Variants in DNAH17 observed in about 807,000 individuals in gnomAD.
DNAH17 encodes axonemal beta dynein heavy chain 17.
A neutral mutation model predicts 485.6 loss-of-function variants in DNAH17; 376 were observed. That is an observed-to-expected ratio of 0.77 (90% CI 0.71 to 0.84). The LOEUF (loss-of-function observed/expected upper bound fraction) is 0.84. Ranked by LOEUF, DNAH17 falls within the 40% of genes least tolerant of loss-of-function variation. The probability of loss-of-function intolerance (pLI) is 0.00; values close to 1 mark genes in which losing one functional copy is unlikely to be tolerated. For synonymous variants in DNAH17, 3,031 were observed against 2,405.9 expected, an observed-to-expected ratio of 1.26 and a Z score of -7.60; for missense variants, 6,370 against 5,839.3, an observed-to-expected ratio of 1.09 and a Z score of -2.96.
chr17:78,531,773 C>T (rs2091246542), intron 20 of DNAH17, among the ~76,000 whole-genome samples: 5 of 152,230 alleles, frequency 3.3e-5, no homozygotes, highest in Admixed American at 2.0e-4. Flanking sequence ...TTCTAAGCAG[C>T]ATATATTGGG....
At chr17:78,503,925 C>T (rs1204325521) in intron 31 of DNAH17, among the ~76,000 whole-genome samples, 1 of 151,502 alleles carries the variant, frequency 6.6e-6, no homozygotes, top group Non-Finnish European at 1.5e-5. Context: ...AAGATCGTGC[C>T]ATTGCACTCC....
intron 56 of DNAH17, among the ~76,000 whole-genome samples, chr17:78,465,199 C>T (rs868006100): frequency 3.3e-5 from 5 of 152,310 alleles, no homozygotes; most frequent in East Asian, 1.9e-4. Flanking sequence ...CCCGAGGTGC[C>T]GGGATTGCAG....
intron 25 of DNAH17, 58 bp downstream of exon 25, chr17:78,524,951 C>CG: frequency 6.4e-7 from 1 of 1,552,670 alleles, no homozygotes; most frequent in African/African-American, 1.4e-5. Flanking sequence ...CTCTTGTTGC[C>CG]GGGGGCAGCT....
intron 51 of DNAH17, among the ~76,000 whole-genome samples, chr17:78,478,419 CCAT>C (rs1220383706): frequency 7.0e-5 from 10 of 142,532 alleles, no homozygotes; most frequent in Non-Finnish European, 8.9e-5. Flanking sequence ...ACCACTATCA[CCAT>C]CATCACCACC....
At chr17:78,529,368 C>G in intron 22 of DNAH17, 104 bp downstream of exon 22, 1 of 1,122,318 alleles carries the variant, frequency 8.9e-7, no homozygotes, top group Non-Finnish European at 1.3e-6. Flanking sequence ...GAGGATCTAG[C>G]CCACAGCATC....
chr17:78,445,036 G>A (rs1240693800), intron 70 of DNAH17, among the ~76,000 whole-genome samples: 1 of 152,176 alleles, frequency 6.6e-6, no homozygotes, highest in Non-Finnish European at 1.5e-5. Flanking sequence ...TGAGGCCTGG[G>A]ATGGGCTAGG....
chr17:78,521,962 G>A (rs2090945512), intron 25 of DNAH17, among the ~76,000 whole-genome samples: 1 of 152,108 alleles, frequency 6.6e-6, no homozygotes, highest in Non-Finnish European at 1.5e-5. Context: ...CTCCAGCCTG[G>A]GCGACAGAGT....
intron 14 of DNAH17, among the ~76,000 whole-genome samples, chr17:78,557,554 G>A (rs12450340): frequency 3.4e-5 from 5 of 145,818 alleles, no homozygotes; most frequent in Admixed American, 7.1e-5. Context: ...CAGGAGAATC[G>A]CTTGAACTTG....
chr17:78,480,132 T>C (rs1198545780), intron 49 of DNAH17, among the ~76,000 whole-genome samples: 1 of 147,292 alleles, frequency 6.8e-6, no homozygotes, highest in Non-Finnish European at 1.5e-5. Flanking sequence ...GCAGATCACT[T>C]GAGGTCAGAA....
At chr17:78,502,800 C>A in intron 32 of DNAH17, 86 bp downstream of exon 32, 1 of 1,588,136 alleles carries the variant, frequency 6.3e-7, no homozygotes, top group Non-Finnish European at 8.6e-7. Context: ...CAGGGGACCA[C>A]AGTTAACAGC....
At chr17:78,470,905 G>C (rs765316150) in intron 54 of DNAH17, among the ~76,000 whole-genome samples, 80 of 152,278 alleles carry the variant, frequency 5.3e-4, no homozygotes, top group Non-Finnish European at 1.1e-3. Context: ...GGTTTCATAG[G>C]AATTTTGCAA....
At chr17:78,477,930 T>G (rs112167360) in intron 51 of DNAH17, among the ~76,000 whole-genome samples, 1 of 145,554 alleles carries the variant, frequency 6.9e-6, no homozygotes, top group Non-Finnish European at 1.5e-5. Flanking sequence ...ATCACCACCA[T>G]CATCACCACC....
intron 9 of DNAH17, among the ~76,000 whole-genome samples, 186 bp downstream of exon 9, chr17:78,568,980 C>G (rs1164278925): frequency 6.6e-6 from 1 of 152,174 alleles, no homozygotes; most frequent in Non-Finnish European, 1.5e-5. Context: ...TTATTCTTGG[C>G]TAACAGCTCT....
intron 16 of DNAH17, among the ~76,000 whole-genome samples, chr17:78,548,544 A>C (rs1028987400): frequency 6.6e-6 from 1 of 152,094 alleles, no homozygotes; most frequent in Non-Finnish European, 1.5e-5. Flanking sequence ...TAGGTTTACT[A>C]AATAAAGAGC....
At chr17:78,506,167 G>T (rs1490975302) in intron 30 of DNAH17, among the ~76,000 whole-genome samples, 4 of 123,762 alleles carry the variant, frequency 3.2e-5, no homozygotes, top group Non-Finnish European at 3.2e-5. Context: ...TTGAGACAGA[G>T]TCTCACTCTG....
At chr17:78,462,263 G>T (rs1242925018) in intron 57 of DNAH17, among the ~76,000 whole-genome samples, 1 of 134,812 alleles carries the variant, frequency 7.4e-6, no homozygotes, top group Admixed American at 7.4e-5. Flanking sequence ...TAGGGGGGTG[G>T]GGGGGTGGGG....
rs952264951 is a variant in DNAH17, at chr17:78,574,688, C to T, written c.345+25G>A. The stretch of plus-strand genomic sequence containing the variant: ...GAGAAGTCGGTCGTGCTCGACACCC[C>T]GGATGGCAGCCTGGACGCACTCACC... On this transcript the variant is annotated intron_variant, in intron 2 of 80. Transcript: ENST00000389840. The T allele has an allele frequency of 4.3e-5, 67 of 1,570,326 alleles. No homozygotes were observed. The South Asian group carries it at 6.8e-4, about 16-fold the overall frequency.
In DNAH17 at chr17:78,462,824, A is replaced by G. The variant is rs75758039; in HGVS notation, c.9174+20T>C. On this transcript the variant is annotated intron_variant, in intron 57 of 80. Transcript: ENST00000389840. ...TCCAGGGAACGGCACAGGAGCTGGC[A>G]GCCAGCCCCCCTCTCCTACCTGGGA... The G allele has an allele frequency of 0.052, 83,803 of 1,612,604 alleles. 2,525 individuals are homozygous for G. Among genetic ancestry groups the G allele is most frequent in the Non-Finnish European group, 0.062 (73,464 of 1,179,130 alleles).
intron 25 of DNAH17, among the ~76,000 whole-genome samples, chr17:78,523,184 C>G (rs2090977637): frequency 6.8e-6 from 1 of 147,992 alleles, no homozygotes; most frequent in Admixed American, 6.8e-5. Context: ...GAGATGGAGT[C>G]TCACTCTGTC....
Sources: gnomAD v4.1 joint callset for allele counts (sites outside exome capture counted in the v4.1 genomes callset) on GRCh38, gnomAD v4.1.1 for gene constraint, MANE v1.5 for transcripts, NCBI Gene and HGNC (gene_info 2026-07-23, HGNC 2026-07-21) for gene names.